The following RBFOX1 variants were observed in gnomAD, a reference collection of about 807,000 sequenced individuals.
RBFOX1 encodes the protein RNA binding protein fox-1 homolog 1.
In RBFOX1, 8 loss-of-function variants were observed where a neutral mutation model predicts 57.7. The observed-to-expected ratio is 0.14, with a 90% CI of 0.08 to 0.25. RBFOX1 has a LOEUF of 0.25. RBFOX1 is among the 10% of genes least tolerant of loss of function. The probability of loss-of-function intolerance (pLI) is 1.00; values close to 1 mark genes in which losing one functional copy is unlikely to be tolerated. For synonymous variants in RBFOX1, 326 were observed against 222.4 expected, an observed-to-expected ratio of 1.47 and a Z score of -4.15; for missense variants, 611 against 548.5, an observed-to-expected ratio of 1.11 and a Z score of -1.14.
At chr16:6,752,189 A>C (rs941603327) in intron 3 of RBFOX1, among the ~76,000 whole-genome samples, 1 of 152,174 alleles carries the variant, frequency 6.6e-6, no homozygotes, top group Non-Finnish European at 1.5e-5. Context: ...TTCTTGTAGC[A>C]TGTGCTGGCT....
At chr16:7,279,409 A>G (rs1416555055) in intron 4 of RBFOX1, among the ~76,000 whole-genome samples, 1 of 152,164 alleles carries the variant, frequency 6.6e-6, no homozygotes, top group Non-Finnish European at 1.5e-5. Context: ...CTCTGTGCGT[A>G]AGCCAGGCTT....
intron 1 of RBFOX1, among the ~76,000 whole-genome samples, chr16:6,159,065 G>A (rs2096858826): frequency 6.6e-6 from 1 of 151,982 alleles, no homozygotes; most frequent in Non-Finnish European, 1.5e-5. Context: ...ACCATGCCCA[G>A]CTAATTTTTT....
chr16:6,528,721 A>G (rs185721494), intron 2 of RBFOX1, among the ~76,000 whole-genome samples: 1 of 152,222 alleles, frequency 6.6e-6, no homozygotes, highest in Admixed American at 6.5e-5. Context: ...GATATTTGGG[A>G]CCAGATACTT....
chr16:6,997,256 A>C (rs559023857), intron 3 of RBFOX1, among the ~76,000 whole-genome samples: 10 of 152,186 alleles, frequency 6.6e-5, no homozygotes, highest in African/African-American at 2.4e-4. Context: ...ATTTGACTCA[A>C]CTTCTCCTTC....
intron 3 of RBFOX1, chr16:6,983,569 A>G (rs767204579): frequency 6.6e-6 from 1 of 152,120 alleles, no homozygotes; most frequent in Non-Finnish European, 1.5e-5. Flanking sequence ...ACATGTTTCT[A>G]GTAAATTAAA....
intron 3 of RBFOX1, among the ~76,000 whole-genome samples, chr16:6,707,676 C>T (rs1245365771): frequency 3.3e-5 from 5 of 152,064 alleles, no homozygotes; most frequent in Non-Finnish European, 5.9e-5. Flanking sequence ...TTTACAAGCC[C>T]AGGAGAGTGA....
At chr16:7,062,477 C>A (rs770256471) in intron 4 of RBFOX1, among the ~76,000 whole-genome samples, 1 of 151,762 alleles carries the variant, frequency 6.6e-6, no homozygotes, top group Non-Finnish European at 1.5e-5. Context: ...TTGTTGTCTG[C>A]AGTATATGCT....
chr16:6,095,398 T>C (rs187215161), intron 1 of RBFOX1, among the ~76,000 whole-genome samples: 58 of 152,330 alleles, frequency 3.8e-4, no homozygotes, highest in African/African-American at 1.3e-3. Context: ...TTACGGCCTG[T>C]GTCTGTGCAC....
At chr16:6,986,184 T>TTTTTTTTATTTATTTATTTA (rs1555719495) in intron 3 of RBFOX1, among the ~76,000 whole-genome samples, 36 of 144,142 alleles carry the variant, frequency 2.5e-4, no homozygotes, top group African/African-American at 8.4e-4. Flanking sequence ...CAATTTCTAT[T>TTTTTTTTATTTATTTATTTA]TTTATTTATT....
chr16:6,777,079 C>G (rs749206189), intron 3 of RBFOX1, among the ~76,000 whole-genome samples: 2 of 152,004 alleles, frequency 1.3e-5, no homozygotes, highest in African/African-American at 2.4e-5. Context: ...CTGTGTTAAC[C>G]GTGTTGTATA....
chr16:7,158,863 G>A (rs1005595582), intron 4 of RBFOX1, among the ~76,000 whole-genome samples: 8 of 152,182 alleles, frequency 5.3e-5, no homozygotes, highest in African/African-American at 1.4e-4. Context: ...GCATGTGTGT[G>A]TATGGTTTCT....
intron 2 of RBFOX1, among the ~76,000 whole-genome samples, chr16:5,552,384 T>C (rs181193396): frequency 1.3e-5 from 2 of 152,340 alleles, no homozygotes; most frequent in African/African-American, 4.8e-5. Flanking sequence ...ATGACAGGCA[T>C]TGGGCTAGTG....
intron 1 of RBFOX1, among the ~76,000 whole-genome samples, chr16:6,182,444 T>A (rs909153300): frequency 1.3e-5 from 2 of 152,210 alleles, no homozygotes; most frequent in South Asian, 2.1e-4. Flanking sequence ...TGTACGTTTA[T>A]ATAATCAAAC....
At chr16:5,864,689 G>T (rs2057304196) in intron 3 of RBFOX1, among the ~76,000 whole-genome samples, 1 of 152,042 alleles carries the variant, frequency 6.6e-6, no homozygotes, top group South Asian at 2.1e-4. Flanking sequence ...AATATGGATG[G>T]ATCATAATTG....
chr16:5,422,470 G>C (rs2067366450), intron 1 of RBFOX1, among the ~76,000 whole-genome samples: 1 of 130,186 alleles, frequency 7.7e-6, no homozygotes, highest in Non-Finnish European at 1.6e-5. Flanking sequence ...GAGGGAGGGG[G>C]AAGAAAGGAG....
At chr16:5,493,473 G>T (rs1175777674) in intron 2 of RBFOX1, among the ~76,000 whole-genome samples, 2 of 152,158 alleles carry the variant, frequency 1.3e-5, no homozygotes, top group Non-Finnish European at 2.9e-5. Context: ...AGAAAGAATT[G>T]ACTTCCACGT....
intron 1 of RBFOX1, among the ~76,000 whole-genome samples, chr16:5,447,243 G>A (rs554787717): frequency 1.1e-3 from 172 of 152,184 alleles, no homozygotes; most frequent in Middle Eastern, 3.4e-3. Context: ...GTGATTATAA[G>A]AACTCAGAGC....
At chr16:7,597,334 T>C (rs1412831652) in intron 8 of RBFOX1, 37 bp from the exon 9 acceptor site, 1 of 1,520,994 alleles carries the variant, frequency 6.6e-7, no homozygotes, top group African/African-American at 1.4e-5. Context: ...GAGCTGGCCC[T>C]AGAATATGTG....
intron 2 of RBFOX1, among the ~76,000 whole-genome samples, chr16:6,415,372 A>T (rs2093595412): frequency 6.6e-6 from 1 of 152,010 alleles, no homozygotes; most frequent in African/African-American, 2.4e-5. Flanking sequence ...CCAAGCTCAT[A>T]CAGCTAGGAA....
Sources: allele counts gnomAD v4.1 joint callset (sites outside exome capture counted in the v4.1 genomes callset), GRCh38; gene constraint gnomAD v4.1.1; transcripts MANE v1.5; gene names NCBI Gene and HGNC (gene_info 2026-07-23, HGNC 2026-07-21).